KNTC1: variants seen among roughly 807,000 people sequenced by gnomAD.
KNTC1 encodes kinetochore-associated protein 1.
A neutral mutation model predicts 314.4 loss-of-function variants in KNTC1; 253 were observed. That is an observed-to-expected ratio of 0.80 (90% CI 0.73 to 0.89). The LOEUF is 0.89. Ranked by LOEUF, KNTC1 falls within the 40% of genes least tolerant of loss-of-function variation. KNTC1 has a pLI of 0.00. For missense variants in KNTC1, 2,475 were observed against 2,572.9 expected, an observed-to-expected ratio of 0.96 and a Z score of 0.82; for synonymous variants, 901 against 901.4, an observed-to-expected ratio of 1.00 and a Z score of 0.01.
At chr12:122,578,920 G>A (rs7979863) in intron 31 of KNTC1, among the ~76,000 whole-genome samples, 68,993 of 151,414 alleles carry the variant, frequency 0.46, 18,229 homozygotes, top group African/African-American at 0.74. Flanking sequence ...GTCTCCTTAT[G>A]TATTAAGTTC....
At chr12:122,596,362 C>T (rs559358859) in intron 43 of KNTC1, among the ~76,000 whole-genome samples, 8 of 152,060 alleles carry the variant, frequency 5.3e-5, no homozygotes, top group Admixed American at 3.3e-4. Flanking sequence ...GGATTACAGG[C>T]GTGAGCCACC....
intron 16 of KNTC1, among the ~76,000 whole-genome samples, chr12:122,555,634 G>T (rs984595000): frequency 6.6e-6 from 1 of 152,144 alleles, no homozygotes; most frequent in African/African-American, 2.4e-5. Context: ...CAGATCACAA[G>T]GTCAGGAGAT....
At chr12:122,549,077 A>G (rs1426767132) in intron 12 of KNTC1, among the ~76,000 whole-genome samples, 2 of 152,222 alleles carry the variant, frequency 1.3e-5, no homozygotes, top group African/African-American at 4.8e-5. Context: ...ATTTAGAGAC[A>G]GTCTCACTCT....
intron 20 of KNTC1, among the ~76,000 whole-genome samples, chr12:122,563,972 T>C (rs1306665348): frequency 5.9e-5 from 9 of 152,134 alleles, no homozygotes; most frequent in Admixed American, 5.9e-4. Flanking sequence ...AACATTATGG[T>C]TCAATGTTTT....
At chr12:122,536,287 G>A (rs1961822390) in intron 3 of KNTC1, among the ~76,000 whole-genome samples, 1 of 151,200 alleles carries the variant, frequency 6.6e-6, no homozygotes. Context: ...GAGTGTGGTG[G>A]CATGATGTCA....
chr12:122,605,315 C>G lies in KNTC1; in HGVS notation c.5396C>G (p.Ala1799Gly). The G allele has an allele frequency of 6.3e-7, 1 of 1,584,842 alleles. No homozygotes were observed. Among genetic ancestry groups the G allele is most frequent in the South Asian group, 1.1e-5 (1 of 86,958 alleles). The change falls in exon 51 of 64, where the codon GCA becomes GGA. Residue 1799 changes from alanine to glycine, a missense_variant. Coordinates refer to ENST00000333479, the MANE Select transcript of KNTC1 (RefSeq NM_014708.6). ...SSGTDYPDIH[A>G]AAKEIAEVNE... ...ATTTTGAATATCTTAGATATTCATG[C>G]AGCAGCTAAAGAAATAGCCGAAGTC...
At chr12:122,587,141 T>C (rs1869466184) in intron 38 of KNTC1, among the ~76,000 whole-genome samples, 1 of 152,110 alleles carries the variant, frequency 6.6e-6, no homozygotes. Flanking sequence ...TAGAAAGAAA[T>C]GGTGGTGTGC....
chr12:122,616,852 C>G (rs994155577), intron 57 of KNTC1, among the ~76,000 whole-genome samples: 2 of 152,104 alleles, frequency 1.3e-5, no homozygotes, highest in Non-Finnish European at 2.9e-5. Context: ...TTTTCCTCAC[C>G]CCAAAAAGAA....
At chr12:122,618,022 G>A (rs888153337) in intron 57 of KNTC1, among the ~76,000 whole-genome samples, 5 of 151,908 alleles carry the variant, frequency 3.3e-5, no homozygotes, top group Non-Finnish European at 4.4e-5. Context: ...TACCTTTTTC[G>A]AGATGGAGTT....
intron 30 of KNTC1, 73 bp downstream of exon 30, chr12:122,577,102 G>C: frequency 8.2e-7 from 1 of 1,220,810 alleles, no homozygotes; most frequent in Non-Finnish European, 1.1e-6. Flanking sequence ...TTTTGAGACA[G>C]GGTCTCGCTC....
At position 122,577,751 on chromosome 12, in the gene KNTC1, C is replaced by T. The variant is rs1965124679; in HGVS notation, c.2801C>T (p.Ala934Val). The change falls in exon 31 of 64, where the codon GCA becomes GTA. Residue 934 changes from alanine (A) to valine (V), a missense_variant. Physicochemically the swap from Ala to Val is moderately conservative, Grantham distance 64. Transcript: ENST00000333479. Reference sequence around the variant, plus strand: ...ACTGCAGAAAGAGTCATCATATGGGCACGACTGGCATTACAAGAAGAGCCA... The same window carrying T: ...ACTGCAGAAAGAGTCATCATATGGGTACGACTGGCATTACAAGAAGAGCCA... Reference protein sequence around the residue: ...EKTAERVIIWARLALQEEPDH... With the variant: ...EKTAERVIIWVRLALQEEPDH... 1 of 1,613,626 alleles carries T rather than the reference C, an allele frequency of 6.2e-7. No individual in the cohort carries two copies.
chr12:122,592,029 G>A (rs1870283268), intron 42 of KNTC1, among the ~76,000 whole-genome samples: 1 of 152,206 alleles, frequency 6.6e-6, no homozygotes, highest in Non-Finnish European at 1.5e-5. Flanking sequence ...TGGAGGGAGA[G>A]GCGCGAGCAG....
At position 122,551,490 on chromosome 12, in the gene KNTC1, T is replaced by C. The variant is rs373771355; in HGVS notation, c.1163T>C (p.Leu388Pro). Residue 388 changes from leucine (L) to proline (P), a missense_variant, in exon 15 of 64, where the codon CTC (leucine) becomes CCC (proline). By Grantham distance (98) the Leu-to-Pro change is moderately conservative. Coordinates refer to ENST00000333479, the MANE Select transcript of KNTC1 (RefSeq NM_014708.6). ...LSEDSVSVLV[L>P]RCLTEALPEN... is the part of the protein sequence containing the mutation. ...GAAGACTCAGTCTCTGTGTTAGTAC[T>C]CAGATGTCTTACGGAAGCTTTACCA... is the stretch of plus-strand genomic sequence containing the variant. 6.3e-7 allele frequency: 1 copy of C among 1,596,376 alleles called. No homozygotes were observed. Among genetic ancestry groups the C allele is most frequent in the African/African-American group, 1.3e-5 (1 of 74,658 alleles).
intron 31 of KNTC1, among the ~76,000 whole-genome samples, chr12:122,578,671 C>T (rs1318337408): frequency 2.6e-5 from 4 of 152,126 alleles, no homozygotes; most frequent in East Asian, 1.9e-4. Context: ...CTGCCTGCCT[C>T]GGCCTTCCAA....
chr12:122,586,713 A>G lies in KNTC1; in HGVS notation c.3686A>G (p.Tyr1229Cys). ...TTATCTTTTGTAGAAAGCAAGAGAT[A>G]TCCCTTGGAGTCTACCAGTTTGCCA... ...SLVPLAESKR[Y>C]PLESTSLPYC... The change falls in exon 38 of 64, where the codon TAT becomes TGT. Residue 1229 changes from tyrosine (Y) to cysteine (C), a missense_variant. By Grantham distance (194) the Tyr-to-Cys change is radical. Coordinates refer to ENST00000333479, the MANE Select transcript of KNTC1 (RefSeq NM_014708.6). 1 of 1,482,116 alleles carries G rather than the reference A, an allele frequency of 6.7e-7. No individual in the cohort carries two copies. The highest frequency in any genetic ancestry group is 1.5e-5 in the South Asian group (1 of 68,572). The allele number at this position is 1,482,116 out of a possible 1,614,324, so 91.8% of individuals were successfully genotyped here.
intron 26 of KNTC1, among the ~76,000 whole-genome samples, chr12:122,573,500 C>G (rs1964828499): frequency 6.6e-6 from 1 of 152,100 alleles, no homozygotes; most frequent in Admixed American, 6.6e-5. Context: ...TGAGACAGTT[C>G]TCAGTTAATT....
chr12:122,573,224 TAA>T lies in KNTC1; in HGVS notation c.2223_2224del (p.Ile741MetfsTer8). ...ATTCCCTCCATCTTAGAGAAGTTTATAAGAGTTTACATGAGAGAACATGACTT... is the reference window on the plus strand; with the variant it reads ...ATTCCCTCCATCTTAGAGAAGTTTATGAGTTTACATGAGAGAACATGACTT... On this transcript the variant is annotated frameshift_variant, in exon 26 of 64. Transcript: ENST00000333479. LOFTEE classifies it high-confidence loss of function. 5.0e-6 allele frequency: 8 copies of T among 1,613,934 alleles called. No homozygotes were observed. The highest frequency in any genetic ancestry group is 6.8e-6 in the Non-Finnish European group (8 of 1,179,834).
At chr12:122,555,792 T>C (rs1406517663) in intron 16 of KNTC1, among the ~76,000 whole-genome samples, 1 of 149,770 alleles carries the variant, frequency 6.7e-6, no homozygotes, top group Non-Finnish European at 1.5e-5. Context: ...GAGGTTGCAG[T>C]GAGCCGAGAT....
chr12:122,592,544 C>A (rs1870407897), intron 42 of KNTC1, among the ~76,000 whole-genome samples: 2 of 152,196 alleles, frequency 1.3e-5, no homozygotes, highest in Admixed American at 1.3e-4. Context: ...TGTAAATACA[C>A]CAATCAGCAC....
Sources: allele counts gnomAD v4.1 joint callset (sites outside exome capture counted in the v4.1 genomes callset), GRCh38; gene constraint gnomAD v4.1.1; transcripts MANE v1.5; gene names NCBI Gene and HGNC (gene_info 2026-07-23, HGNC 2026-07-21).